The following MYOM1 variants were observed in gnomAD, a reference collection of about 807,000 sequenced individuals.
The protein encoded by MYOM1 is myomesin-1.
MYOM1 carries 164 observed loss-of-function variants against 205.3 expected under a neutral mutation model. The ratio of observed to expected loss-of-function variants is 0.80; its 90% CI spans 0.70 to 0.91. The LOEUF (loss-of-function observed/expected upper bound fraction) is 0.91, where lower values mean the gene tolerates loss of function less well. Ranked by LOEUF, MYOM1 falls within the 40% of genes least tolerant of loss-of-function variation. The pLI is 0.00. For synonymous variants in MYOM1, 772 were observed against 789.4 expected (o/e 0.98, Z 0.37); for missense variants, 2,011 against 2,127.3 (o/e 0.95, Z 1.08).
At chr18:3,072,065 T>C (rs2078964248) in intron 36 of MYOM1, among the ~76,000 whole-genome samples, 176 bp from the exon 37 acceptor site, 1 of 151,982 alleles carries the variant, frequency 6.6e-6, no homozygotes, top group Admixed American at 6.6e-5. Flanking sequence ...TTTTTTTTTT[T>C]TTTGAGACAG....
intron 5 of MYOM1, among the ~76,000 whole-genome samples, chr18:3,182,370 A>G (rs2080747625): frequency 6.6e-6 from 1 of 152,232 alleles, no homozygotes. Context: ...CCAACATGGC[A>G]CATGTATACA....
At chr18:3,191,257 A>C (rs1250007931) in intron 3 of MYOM1, among the ~76,000 whole-genome samples, 1 of 152,234 alleles carries the variant, frequency 6.6e-6, no homozygotes, top group Non-Finnish European at 1.5e-5. Context: ...TTATTGGAAT[A>C]TAAGTGGAAA....
chr18:3,224,230 C>T (rs145779787), upstream of MYOM1, among the ~76,000 whole-genome samples: 323 of 152,240 alleles, frequency 2.1e-3, 5 homozygotes, highest in African/African-American at 7.4e-3. Context: ...CCATGTTGGC[C>T]AGGCTGGCCT....
rs980042903 is a variant in MYOM1 at position 3,152,694 on chromosome 18, TA to T, written c.1644-802del. Among the ~76,000 whole-genome samples, 2 of 152,054 alleles carry T rather than the reference TA, an allele frequency of 1.3e-5. No homozygotes were observed. The highest frequency in any genetic ancestry group is 4.8e-5 in the African/African-American group (2 of 41,370). ...AGGATTAAGCAGCTCTTACTTTTTT[TA>T]TGAGCAGAGTGCTGTACTTTTAGCT... On this transcript the variant is annotated intron_variant, in intron 11 of 37. Coordinates refer to ENST00000356443, the MANE Select transcript of MYOM1 (RefSeq NM_003803.4). This position sits in a 1 kb window ranked among gnomAD's most constrained non-coding sequence, Gnocchi z 4.3.
chr18:3,234,627 C>T, the MYOM1 span, among the ~76,000 whole-genome samples: 3 of 152,024 alleles, frequency 2.0e-5, no homozygotes, highest in Non-Finnish European at 4.4e-5. Context: ...GAGGAGTGGG[C>T]GGCGATTCTC....
intron 35 of MYOM1, 38 bp from the exon 36 acceptor site, chr18:3,075,514 T>C (rs1490124055): frequency 6.2e-7 from 1 of 1,603,372 alleles, no homozygotes; most frequent in African/African-American, 1.3e-5. Flanking sequence ...ACGAAGAATT[T>C]TGTGTTAGTG....
Position 3,179,914 on chromosome 18 carries a change from CAT to C in MYOM1, c.930-3782_930-3781del, listed in dbSNP as rs536233981. The stretch of plus-strand genomic sequence containing the variant: ...AGCGCTGTGATACCAACGGCTGTGA[CAT>C]GTGCTGTTTGACCAAATGACTCAGT... On this transcript the variant is annotated intron_variant, in intron 5 of 37. Transcript: ENST00000356443. This position sits in a 1 kb window ranked among gnomAD's most constrained non-coding sequence, Gnocchi z 4.4. Among the ~76,000 whole-genome samples the C allele has an allele frequency of 2.6e-5, 4 of 152,168 alleles. No homozygotes were observed. Among genetic ancestry groups the C allele is most frequent in the Admixed American group, 6.5e-5 (1 of 15,276 alleles).
intron 5 of MYOM1, among the ~76,000 whole-genome samples, chr18:3,182,913 CTTTTTT>C (rs549386891): frequency 8.7e-5 from 8 of 92,300 alleles, no homozygotes; most frequent in South Asian, 3.8e-4. Flanking sequence ...TTTCTTTCTT[CTTTTTT>C]TTTTTTTTTT....
At chr18:3,092,175 G>GA (rs1038038422) in intron 26 of MYOM1, among the ~76,000 whole-genome samples, 17 of 151,572 alleles carry the variant, frequency 1.1e-4, no homozygotes, top group Middle Eastern at 6.8e-3. Context: ...ACTAATACAT[G>GA]AAAAAAAATG....
At chr18:3,068,963 T>TG (rs914085925) in intron 37 of MYOM1, among the ~76,000 whole-genome samples, 12 of 152,112 alleles carry the variant, frequency 7.9e-5, no homozygotes, top group African/African-American at 2.9e-4. Context: ...AGAATAGAGA[T>TG]GGGGTCTCAT....
At chr18:3,202,434 G>T (rs2081080375) in intron 2 of MYOM1, among the ~76,000 whole-genome samples, 1 of 151,944 alleles carries the variant, frequency 6.6e-6, no homozygotes, top group Non-Finnish European at 1.5e-5. Context: ...CTTATATGCT[G>T]CCACAAGAGG....
At chr18:3,181,210 A>G (rs994720909) in intron 5 of MYOM1, among the ~76,000 whole-genome samples, 8 of 152,108 alleles carry the variant, frequency 5.3e-5, no homozygotes, top group African/African-American at 1.9e-4. Context: ...ACAGGCATGA[A>G]CCACCACGCC....
chr18:3,189,269 A>ACAAATAAC lies in MYOM1; in HGVS notation c.432-190_432-183dup, dbSNP rs1175873440. The stretch of plus-strand genomic sequence containing the variant: ...ATGTACAGAAGTATTCCTCACCTTA[A>ACAAATAAC]CAAATAACAACAATAATAACACCTA... On this transcript the variant is annotated intron_variant, in intron 3 of 37. Transcript: ENST00000356443. This position sits in a 1 kb window ranked among gnomAD's most constrained non-coding sequence, Gnocchi z 4.8. Among the ~76,000 whole-genome samples the ACAAATAAC allele has an allele frequency of 6.6e-6, 1 of 152,152 alleles. No individual in the cohort carries two copies. The highest frequency in any genetic ancestry group is 1.5e-5 in the Non-Finnish European group (1 of 68,008).
At chr18:3,239,557 C>A in the MYOM1 span, among the ~76,000 whole-genome samples, 1 of 151,884 alleles carries the variant, frequency 6.6e-6, no homozygotes, top group Non-Finnish European at 1.5e-5. Flanking sequence ...GAGTTCAAGA[C>A]CAAGCCTGAG....
At chr18:3,182,817 G>A (rs1054083522) in intron 5 of MYOM1, among the ~76,000 whole-genome samples, 7 of 149,648 alleles carry the variant, frequency 4.7e-5, no homozygotes, top group Non-Finnish European at 8.9e-5. Context: ...CACTACATAT[G>A]TATTTTCCCT....
rs544091048 is a variant in MYOM1 at position 3,146,039 on chromosome 18, G to A, written c.1900+3106C>T. On this transcript the variant is annotated intron_variant, in intron 13 of 37. Coordinates refer to ENST00000356443, the MANE Select transcript of MYOM1 (RefSeq NM_003803.4). Reference sequence around the variant, plus strand: ...ATGAAAACTATTAAATTTTACTCAAGAAAAAGTAAATAACCTGAATAGTCC... The same window carrying A: ...ATGAAAACTATTAAATTTTACTCAAAAAAAAGTAAATAACCTGAATAGTCC... Among the ~76,000 whole-genome samples the A allele has an allele frequency of 3.9e-5, 6 of 151,926 alleles. No homozygotes were observed. The East Asian group carries it at 1.2e-3, about 29-fold the overall frequency.
chr18:3,212,992 T>A (rs2081209551), intron 2 of MYOM1, among the ~76,000 whole-genome samples: 1 of 152,214 alleles, frequency 6.6e-6, no homozygotes. Context: ...TCCATTTTAA[T>A]GGAATTTCAG....
At chr18:3,080,949 T>A (rs1194907899) in intron 33 of MYOM1, among the ~76,000 whole-genome samples, 1 of 151,956 alleles carries the variant, frequency 6.6e-6, no homozygotes, top group East Asian at 1.9e-4. Flanking sequence ...CTGGCCAGCA[T>A]GGTGAAACCT....
chr18:3,197,586 T>C (rs944417072), intron 2 of MYOM1, among the ~76,000 whole-genome samples: 6 of 151,876 alleles, frequency 4.0e-5, no homozygotes, highest in African/African-American at 1.2e-4. Context: ...AAAAAAGAAG[T>C]GTTAAGGCTG....
Sources: gnomAD v4.1 joint callset for allele counts (sites outside exome capture counted in the v4.1 genomes callset) on GRCh38, gnomAD v4.1.1 for gene constraint, Gnocchi (gnomAD v3.1) non-coding constraint, MANE v1.5 for transcripts, NCBI Gene and HGNC (gene_info 2026-07-23, HGNC 2026-07-21) for gene names.